VWF: variants seen among roughly 807,000 people sequenced by gnomAD.
VWF encodes Factor VIII related antigen.
Under a neutral mutation model 308.6 loss-of-function variants are expected in VWF, and 176 were observed. That is an observed-to-expected ratio of 0.57 (90% CI 0.50 to 0.65). VWF has a LOEUF of 0.65. Ranked by LOEUF, VWF falls within the 30% of genes least tolerant of loss-of-function variation. The probability of loss-of-function intolerance (pLI) is 0.00; values close to 1 mark genes in which losing one functional copy is unlikely to be tolerated. For missense variants in VWF, 3,146 were observed against 3,648.2 expected, an observed-to-expected ratio of 0.86 and a Z score of 3.55; for synonymous variants, 1,385 against 1,443.4, an observed-to-expected ratio of 0.96 and a Z score of 0.92.
chr12:6,053,224 CG>C (rs1591886930), intron 15 of VWF, among the ~76,000 whole-genome samples: 1 of 152,130 alleles, frequency 6.6e-6, no homozygotes, highest in East Asian at 1.9e-4. Context: ...GGGCATACCC[CG>C]TGACAACAAT....
At chr12:6,068,788 C>T (rs555002734) in intron 10 of VWF, among the ~76,000 whole-genome samples, 113 of 150,906 alleles carry the variant, frequency 7.5e-4, no homozygotes, top group Non-Finnish European at 1.3e-3. Context: ...CGCGCCTGGC[C>T]CAAGATGCAT....
intron 33 of VWF, 102 bp from the exon 34 acceptor site, chr12:6,011,896 A>G: frequency 2.2e-6 from 3 of 1,358,812 alleles, no homozygotes; most frequent in South Asian, 1.2e-5. Context: ...ACACAGGCCT[A>G]CACAGCAAGG....
Position 6,060,929 on chromosome 12 carries a change from G to A in VWF, c.1533+2025C>T, listed in dbSNP as rs943961873. 6.6e-6 allele frequency among the ~76,000 whole-genome samples: 1 copy of A among 152,216 alleles called. No homozygotes were observed. Among genetic ancestry groups the A allele is most frequent in the Non-Finnish European group, 1.5e-5 (1 of 68,040 alleles). On this transcript the variant is annotated intron_variant, in intron 13 of 51. Coordinates refer to ENST00000261405, the MANE Select transcript of VWF (RefSeq NM_000552.5). This position sits in a 1 kb window ranked among gnomAD's most constrained non-coding sequence, Gnocchi z 5.1. ...GAAAGTGGACTGGCTGGCCGGGCGTGGTGGCTCATGCCCGTAATCCCAGCA... is the reference window on the plus strand; with the variant it reads ...GAAAGTGGACTGGCTGGCCGGGCGTAGTGGCTCATGCCCGTAATCCCAGCA...
In VWF at chr12:6,058,406, G is replaced by A. The variant is rs1404429331; in HGVS notation, c.1534-362C>T. ...AGGGTGAGTAGGCAGGTTGAGCCCA[G>A]CCCGAAGCACTCTGCCCTCTGTGCC... On this transcript the variant is annotated intron_variant, in intron 13 of 51. Coordinates refer to ENST00000261405, the MANE Select transcript of VWF (RefSeq NM_000552.5). This position sits in a 1 kb window ranked among gnomAD's most constrained non-coding sequence, Gnocchi z 4.9. Among the ~76,000 whole-genome samples the A allele has an allele frequency of 6.6e-6, 1 of 152,174 alleles. No homozygotes were observed. Among genetic ancestry groups the A allele is most frequent in the Non-Finnish European group, 1.5e-5 (1 of 68,036 alleles).
At position 6,080,631 on chromosome 12, in the gene VWF, G is replaced by A. The variant is rs375325123; in HGVS notation, c.658-5080C>T. ...TCACCACGGCTGAGCCGAGCACTAAGACTCCAGCCCAGTCTTGCCGACAGA... is the reference window on the plus strand; with the variant it reads ...TCACCACGGCTGAGCCGAGCACTAAAACTCCAGCCCAGTCTTGCCGACAGA... On this transcript the variant is annotated intron_variant, in intron 6 of 51. Coordinates refer to ENST00000261405, the MANE Select transcript of VWF (RefSeq NM_000552.5). Among the ~76,000 whole-genome samples, 5 of 152,344 alleles carry A rather than the reference G, an allele frequency of 3.3e-5. No homozygotes were observed. The East Asian group carries it at 7.7e-4, about 24-fold the overall frequency.
At chr12:5,992,225 C>A (rs1028380806) in intron 37 of VWF, among the ~76,000 whole-genome samples, 1 of 152,252 alleles carries the variant, frequency 6.6e-6, no homozygotes, top group African/African-American at 2.4e-5. Flanking sequence ...ATTTCCCAAC[C>A]TTTCTTGCAG....
At chr12:6,028,212 A>G (rs974843270) in intron 22 of VWF, among the ~76,000 whole-genome samples, 1 of 152,206 alleles carries the variant, frequency 6.6e-6, no homozygotes, top group African/African-American at 2.4e-5. Context: ...TAAATAGTGG[A>G]ACCGTTCTCA....
intron 34 of VWF, among the ~76,000 whole-genome samples, chr12:5,999,463 T>TAC (rs1399125118): frequency 2.7e-5 from 3 of 109,878 alleles, no homozygotes; most frequent in African/African-American, 1.2e-4. Context: ...GATCCACATG[T>TAC]ACACACATAC....
In VWF at chr12:5,967,361, C is replaced by G. The variant is rs1943414824; in HGVS notation, c.7887+125G>C. ...TTTTTAGTCTCTTCTTTATTATTGT[C>G]AATTATTGTTTATAATCAGAAAATA... On this transcript the variant is annotated intron_variant, in intron 47 of 51. Coordinates refer to ENST00000261405, the MANE Select transcript of VWF (RefSeq NM_000552.5). 3.5e-6 allele frequency: 3 copies of G among 852,552 alleles called. No individual in the cohort carries two copies. In the South Asian group the frequency reaches 4.1e-5, roughly 12 times the overall value. The allele number at this position is 852,552 out of a possible 1,614,324, so 52.8% of individuals were successfully genotyped here. A position where few individuals can be genotyped will look rare whatever the true frequency, so the allele number is the denominator to read the frequency against.
At chr12:5,969,850 G>A (rs139522690) in intron 44 of VWF, among the ~76,000 whole-genome samples, 4 of 152,298 alleles carry the variant, frequency 2.6e-5, no homozygotes, top group Middle Eastern at 3.4e-3. Context: ...ATCTGTCCAC[G>A]AAGACTGCAC....
intron 32 of VWF, 102 bp downstream of exon 32, chr12:6,013,378 GC>G: frequency 7.0e-7 from 1 of 1,424,714 alleles, no homozygotes. Context: ...CAAATCTTAT[GC>G]ATGGGCACCC....
At chr12:5,972,423 G>C (rs77344012) in intron 43 of VWF, among the ~76,000 whole-genome samples, 1 of 152,204 alleles carries the variant, frequency 6.6e-6, no homozygotes. Context: ...CAATGACAGT[G>C]TGTTTGTCCC....
At chr12:6,105,704 A>G (rs1003327261) in intron 5 of VWF, among the ~76,000 whole-genome samples, 4 of 152,186 alleles carry the variant, frequency 2.6e-5, no homozygotes, top group South Asian at 2.1e-4. Context: ...TAGAATTGCC[A>G]TTAGAAATCA....
At chr12:6,028,187 C>A (rs1291932196) in intron 22 of VWF, among the ~76,000 whole-genome samples, 1 of 152,168 alleles carries the variant, frequency 6.6e-6, no homozygotes, top group African/African-American at 2.4e-5. Flanking sequence ...CAAGTTCCAA[C>A]AAACTGTTGG....
chr12:6,023,548 C>A (rs1005947925), intron 25 of VWF, 83 bp downstream of exon 25: 1 of 1,563,960 alleles, frequency 6.4e-7, no homozygotes, highest in Non-Finnish European at 8.7e-7. Context: ...ATGAAGATAT[C>A]CCCCTGCACT....
chr12:5,951,559 G>C (rs1943191195), intron 50 of VWF, among the ~76,000 whole-genome samples: 1 of 152,198 alleles, frequency 6.6e-6, no homozygotes, highest in African/African-American at 2.4e-5. Context: ...CACATAAGAA[G>C]CTGGAGACAG....
chr12:6,019,554 C>G lies in VWF; in HGVS notation c.3864G>C (p.Leu1288=), dbSNP rs747032800. 41 of 1,613,874 alleles carry G rather than the reference C, an allele frequency of 2.5e-5. No individual in the cohort carries two copies. The highest frequency in any genetic ancestry group is 3.1e-5 in the Non-Finnish European group (36 of 1,179,888). ...LVFLLDGSSR[L]SEAEFEVLKA... ...TCAGCACTTCAAACTCAGCCTCGGA[C>G]AGCCTGGAGGAGCCATCCAGCAGGA... is the stretch of plus-strand genomic sequence containing the variant. The change falls in exon 28 of 52, where the codon CTG becomes CTC. Residue 1288 remains leucine (L), a synonymous_variant. Transcript: ENST00000261405. The surrounding 1 kb of genome is among the most constrained non-coding windows in gnomAD (Gnocchi z 5.8).
chr12:5,962,019 C>T (rs190555522), intron 47 of VWF, among the ~76,000 whole-genome samples: 1 of 152,092 alleles, frequency 6.6e-6, no homozygotes, highest in East Asian at 1.9e-4. Flanking sequence ...CCACCTTCTG[C>T]CACATGTGGA....
At chr12:6,051,286 CT>C (rs55842185) in intron 16 of VWF, among the ~76,000 whole-genome samples, 726 of 117,396 alleles carry the variant, frequency 6.2e-3, no homozygotes, top group African/African-American at 0.015. Context: ...TTCTTTTTTT[CT>C]TTTTTTTTTT....
Sources: allele counts gnomAD v4.1 joint callset (sites outside exome capture counted in the v4.1 genomes callset), GRCh38; gene constraint gnomAD v4.1.1; non-coding constraint Gnocchi (gnomAD v3.1); transcripts MANE v1.5; gene names NCBI Gene and HGNC (gene_info 2026-07-23, HGNC 2026-07-21).